Variants in GTF3C4 observed in about 807,000 individuals in gnomAD.
GTF3C4 encodes general transcription factor IIIC subunit 4, also known as general transcription factor 3C polypeptide 4.
In GTF3C4, 28 loss-of-function variants were observed where a neutral mutation model predicts 67.5. The observed-to-expected ratio is 0.41, with a 90% CI of 0.31 to 0.57. The LOEUF (loss-of-function observed/expected upper bound fraction) is 0.57, where lower values mean the gene tolerates loss of function less well. Ranked by LOEUF, GTF3C4 falls within the 20% of genes least tolerant of loss-of-function variation. The pLI, the probability that GTF3C4 is intolerant of heterozygous loss-of-function variation, is 0.21. For synonymous variants in GTF3C4, 409 were observed against 393.0 expected (o/e 1.04, Z -0.48); for missense variants, 831 against 1,033.2 (o/e 0.80, Z 2.68).
At chr9:132,670,421 G>A, upstream of GTF3C4, 1 of 1,024,518 alleles carries the variant, frequency 9.8e-7, no homozygotes, top group Non-Finnish European at 1.3e-6. Context: ...CAGTTCCTTG[G>A]CCACCTGGTA....
rs1338181057 is a variant in GTF3C4, at chr9:132,692,677, T to C, written c.*3732T>C. On this transcript the variant is annotated 3_prime_UTR_variant, in exon 5 of 5. Coordinates refer to ENST00000372146, the MANE Select transcript of GTF3C4 (RefSeq NM_012204.4). ...TTTATGCTCTTTCACTGCTCTTCTGTGCGTTGGAGTTTAGCAATTCAGTGA... is the reference window on the plus strand; with the variant it reads ...TTTATGCTCTTTCACTGCTCTTCTGCGCGTTGGAGTTTAGCAATTCAGTGA... The C allele has an allele frequency of 1.3e-5, 2 of 152,250 alleles. No individual in the cohort carries two copies. Among genetic ancestry groups the C allele is most frequent in the Non-Finnish European group, 2.9e-5 (2 of 68,040 alleles). The allele number at this position is 152,250 out of a possible 1,614,324, so 9.4% of individuals were successfully genotyped here.
rs1836167775 is a variant in GTF3C4 at position 132,694,550 on chromosome 9, C to T, written c.*5605C>T. 6.6e-6 allele frequency: 1 copy of T among 152,090 alleles called. No individual in the cohort carries two copies. Among genetic ancestry groups the T allele is most frequent in the South Asian group, 2.1e-4 (1 of 4,828 alleles). 9.4% of individuals were successfully genotyped at this position (152,090 alleles called of 1,614,324 possible). A position where few individuals can be genotyped will look rare whatever the true frequency, so the allele number is the denominator to read the frequency against. On this transcript the variant is annotated 3_prime_UTR_variant, in exon 5 of 5. Transcript: ENST00000372146. Reference sequence around the variant, plus strand: ...TTTATCTAATATTAGAGCTGAGGTTCCTAGGAAAATTTTGAAGTGGGGAAG... The same window carrying T: ...TTTATCTAATATTAGAGCTGAGGTTTCTAGGAAAATTTTGAAGTGGGGAAG...
chr9:132,677,951 A>C, intron 1 of GTF3C4, 26 bp from the exon 2 acceptor site: 1 of 1,554,784 alleles, frequency 6.4e-7, no homozygotes, highest in Non-Finnish European at 8.7e-7. Context: ...TGCTCATCTG[A>C]TAGTTTTTAT....
chr9:132,688,704 T>G (rs1397253491), intron 4 of GTF3C4, among the ~76,000 whole-genome samples, 177 bp from the exon 5 acceptor site: 1 of 152,230 alleles, frequency 6.6e-6, no homozygotes, highest in African/African-American at 2.4e-5. Flanking sequence ...CAGCCTCATT[T>G]GGAATGATAG....
upstream of GTF3C4, chr9:132,670,252 C>T (rs1208844377): frequency 2.8e-5 from 42 of 1,523,958 alleles, no homozygotes; most frequent in Non-Finnish European, 3.6e-5. Flanking sequence ...GGCGCCATCT[C>T]ACCGACGAGC....
chr9:132,686,404 GCCTGCCTGGAGTCCCTTCCCCTAACC>G (rs1836027840), intron 3 of GTF3C4, among the ~76,000 whole-genome samples: 1 of 150,958 alleles, frequency 6.6e-6, no homozygotes, highest in Non-Finnish European at 1.5e-5. Flanking sequence ...CTCAAGGTGT[GCCTGCCTGGAGTCCCTTCCCCTAACC>G]TCTGCCTGCT....
intron 1 of GTF3C4, among the ~76,000 whole-genome samples, chr9:132,671,984 A>G (rs997820032): frequency 6.6e-6 from 1 of 152,230 alleles, no homozygotes; most frequent in African/African-American, 2.4e-5. Flanking sequence ...AGCTATAGGT[A>G]GGGTGCAGAT....
rs1050022135 is a variant in GTF3C4, at chr9:132,679,451, C to T, written c.1832C>T (p.Ser611Leu). The part of the protein sequence containing the change: ...HEDSKILLVD[S>L]PGMGNADDEQ... ...GACTCAAAAATCTTACTAGTGGATT[C>T]GCCTGGGATGGGCAATGCTGACGAT... Residue 611 changes from serine to leucine, a missense_variant, in exon 2 of 5, where the codon TCG becomes TTG. Coordinates refer to ENST00000372146, the MANE Select transcript of GTF3C4 (RefSeq NM_012204.4). The surrounding 1 kb of genome is among the most constrained non-coding windows in gnomAD (Gnocchi z 5.9). 1.2e-5 allele frequency: 20 copies of T among 1,614,004 alleles called. No individual in the cohort carries two copies. Among genetic ancestry groups the T allele is most frequent in the African/African-American group, 5.3e-5 (4 of 74,888 alleles).
Position 132,688,970 on chromosome 9 carries a change from G to A in GTF3C4, c.*25G>A, listed in dbSNP as rs1207758148. The A allele has an allele frequency of 2.6e-6, 4 of 1,553,638 alleles. No homozygotes were observed. Among genetic ancestry groups the A allele is most frequent in the Non-Finnish European group, 3.6e-6 (4 of 1,126,092 alleles). On this transcript the variant is annotated 3_prime_UTR_variant, in exon 5 of 5. Transcript: ENST00000372146. Reference sequence around the variant, plus strand: ...AATAATCAGTGACGGGAAGATGGAAGGGCATGATGAACTCTGCCATAGAAA... The same window carrying A: ...AATAATCAGTGACGGGAAGATGGAAAGGCATGATGAACTCTGCCATAGAAA...
In GTF3C4 at chr9:132,679,569, T is replaced by G. The variant is rs757687002; in HGVS notation, c.1950T>G (p.Asp650Glu). 1.9e-6 allele frequency: 3 copies of G among 1,613,930 alleles called. No homozygotes were observed. Among genetic ancestry groups the G allele is most frequent in the Non-Finnish European group, 2.5e-6 (3 of 1,180,020 alleles). Residue 650 changes from aspartate (D) to glutamate (E), a missense_variant, in exon 2 of 5, where the codon GAT (aspartate) becomes GAG (glutamate). Physicochemically the swap from Asp to Glu is conservative, Grantham distance 45. This residue lies in a region of GTF3C4 where 75 missense variants were observed against 66.4 expected (regional missense o/e 1.13). Transcript: ENST00000372146. This position sits in a 1 kb window ranked among gnomAD's most constrained non-coding sequence, Gnocchi z 5.9. ...AAGGAGATGTAGAGGAGCCCACTGA[T>G]GACTCGCTCCCCACGACTGGAGATG... The part of the protein sequence containing the change: ...SKEGDVEEPT[D>E]DSLPTTGDAG...
intron 2 of GTF3C4, among the ~76,000 whole-genome samples, chr9:132,681,652 A>T (rs938482513): frequency 5.3e-5 from 8 of 152,108 alleles, no homozygotes; most frequent in Non-Finnish European, 1.2e-4. Flanking sequence ...TACTGTGTGT[A>T]TATCTATGTT....
In GTF3C4 at chr9:132,693,192, G is replaced by A. The variant is rs998384562; in HGVS notation, c.*4247G>A. On this transcript the variant is annotated 3_prime_UTR_variant, in exon 5 of 5. Coordinates refer to ENST00000372146, the MANE Select transcript of GTF3C4 (RefSeq NM_012204.4). Reference sequence around the variant, plus strand: ...GATGTAGCCTGCCATCTGCATAGATGGTTTAACATGGTGCTGTTTTTGAAA... The same window carrying A: ...GATGTAGCCTGCCATCTGCATAGATAGTTTAACATGGTGCTGTTTTTGAAA... 1 of 152,142 alleles carries A rather than the reference G, an allele frequency of 6.6e-6. No individual in the cohort carries two copies. Among genetic ancestry groups the A allele is most frequent in the Non-Finnish European group, 1.5e-5 (1 of 68,024 alleles). The allele number at this position is 152,142 out of a possible 1,614,324, so 9.4% of individuals were successfully genotyped here.
chr9:132,674,733 T>C (rs1360290978), intron 1 of GTF3C4, among the ~76,000 whole-genome samples: 1 of 152,232 alleles, frequency 6.6e-6, no homozygotes, highest in Non-Finnish European at 1.5e-5. Flanking sequence ...AAATATCTTA[T>C]TAACATTTAC....
At chr9:132,680,132 C>T (rs1835919161) in intron 2 of GTF3C4, among the ~76,000 whole-genome samples, 1 of 152,138 alleles carries the variant, frequency 6.6e-6, no homozygotes, top group South Asian at 2.1e-4. Flanking sequence ...AAATATGGTG[C>T]CCATGCTCCC....
chr9:132,680,679 T>G (rs913434373), intron 2 of GTF3C4, among the ~76,000 whole-genome samples: 2 of 152,244 alleles, frequency 1.3e-5, no homozygotes, highest in African/African-American at 4.8e-5. Flanking sequence ...CAATCACTTG[T>G]TGCACTTTCT....
rs1443911202 is a variant in GTF3C4 at position 132,670,725 on chromosome 9, C to A, written c.127C>A (p.Pro43Thr). 6.5e-7 allele frequency: 1 copy of A among 1,534,884 alleles called. No individual in the cohort carries two copies. The highest frequency in any genetic ancestry group is 2.0e-5 in the Admixed American group (1 of 50,510). Residue 43 changes from proline to threonine, a missense_variant, in exon 1 of 5, where the codon CCC becomes ACC. Around this residue, in one of 4 missense-constraint regions of GTF3C4, gnomAD observed 237 missense variants for 212.7 expected, o/e 1.11. Coordinates refer to ENST00000372146, the MANE Select transcript of GTF3C4 (RefSeq NM_012204.4). ...KEPAADAAPG[P>T]SAAFRLMVTR... ...GCCAGCAGCGGACGCGGCCCCGGGG[C>A]CCAGCGCTGCATTCCGCCTCATGGT...
At chr9:132,675,921 T>TG in intron 1 of GTF3C4, among the ~76,000 whole-genome samples, 2 of 95,200 alleles carry the variant, frequency 2.1e-5, no homozygotes, top group South Asian at 6.9e-4. Flanking sequence ...TTTTTTGAGA[T>TG]GGAGTTTTGC....
At chr9:132,681,016 G>A (rs564424766) in intron 2 of GTF3C4, among the ~76,000 whole-genome samples, 1 of 152,356 alleles carries the variant, frequency 6.6e-6, no homozygotes, top group African/African-American at 2.4e-5. Context: ...GCTGAGGCAG[G>A]AGAATCGCTT....
chr9:132,672,108 T>C (rs1422881710), intron 1 of GTF3C4, among the ~76,000 whole-genome samples: 7 of 152,224 alleles, frequency 4.6e-5, no homozygotes, highest in African/African-American at 9.7e-5. Flanking sequence ...GAAGAAGATA[T>C]GAACACATTT....
Sources: allele counts gnomAD v4.1 joint callset (sites outside exome capture counted in the v4.1 genomes callset), GRCh38; gene constraint gnomAD v4.1.1; regional missense constraint gnomAD v4.1.1; non-coding constraint Gnocchi (gnomAD v3.1); transcripts MANE v1.5; gene names NCBI Gene and HGNC (gene_info 2026-07-23, HGNC 2026-07-21).